CFAP251: variants seen among roughly 807,000 people sequenced by gnomAD.
The protein encoded by CFAP251 is cilia- and flagella-associated protein 251.
Under a neutral mutation model 126.7 loss-of-function variants are expected in CFAP251, and 93 were observed. That is an observed-to-expected ratio of 0.73 (90% CI 0.62 to 0.87). The LOEUF is 0.87. Ranked by LOEUF, CFAP251 falls within the 40% of genes least tolerant of loss-of-function variation. The pLI, the probability that CFAP251 is intolerant of heterozygous loss-of-function variation, is 0.00. For missense variants in CFAP251, 1,287 were observed against 1,389.2 expected, an observed-to-expected ratio of 0.93 and a Z score of 1.17; for synonymous variants, 503 against 506.9, an observed-to-expected ratio of 0.99 and a Z score of 0.10.
At chr12:121,939,369 C>A (rs1444006989) in intron 5 of CFAP251, among the ~76,000 whole-genome samples, 1 of 152,120 alleles carries the variant, frequency 6.6e-6, no homozygotes, top group Non-Finnish European at 1.5e-5. Flanking sequence ...GCTGCAAGTA[C>A]TGGCACATCC....
At chr12:121,980,756 T>A (rs1882601115) in intron 19 of CFAP251, among the ~76,000 whole-genome samples, 1 of 152,214 alleles carries the variant, frequency 6.6e-6, no homozygotes, top group Non-Finnish European at 1.5e-5. Flanking sequence ...GCTTCTTCTG[T>A]TTTTAGTCCA....
chr12:121,942,111 C>T (rs1319755047), intron 5 of CFAP251, among the ~76,000 whole-genome samples: 1 of 152,196 alleles, frequency 6.6e-6, no homozygotes, highest in East Asian at 1.9e-4. Flanking sequence ...GTTAAATTCG[C>T]ATAACATAAA....
intron 9 of CFAP251, 128 bp downstream of exon 9, chr12:121,951,658 A>T: frequency 4.8e-6 from 3 of 624,492 alleles, no homozygotes; most frequent in Non-Finnish European, 8.4e-6. Context: ...AATTTGAAAA[A>T]TTTTACTTGG....
At chr12:121,988,651 C>T (rs547902831) in intron 19 of CFAP251, among the ~76,000 whole-genome samples, 21 of 152,148 alleles carry the variant, frequency 1.4e-4, no homozygotes, top group South Asian at 1.2e-3. Context: ...TGGACATTTA[C>T]GTTTTCCCAT....
At chr12:121,951,725 AT>A (rs556826167) in intron 9 of CFAP251, among the ~76,000 whole-genome samples, 195 bp downstream of exon 9, 30 of 149,244 alleles carry the variant, frequency 2.0e-4, no homozygotes, top group Admixed American at 2.7e-4. Context: ...GTTAAAAATA[AT>A]TTTTTTTTTT....
intron 20 of CFAP251, 128 bp downstream of exon 20, chr12:122,000,072 C>A: frequency 1.2e-6 from 1 of 861,358 alleles, no homozygotes; most frequent in Non-Finnish European, 1.8e-6. Context: ...CAGATTTGAG[C>A]CATGAGGGGT....
At position 121,987,881 on chromosome 12, in the gene CFAP251, G is replaced by A. The variant is rs78128568; in HGVS notation, c.3007-11835G>A. ...CCCCAACTCCAGGTTCTGTTCCTAC[G>A]TATGTATGAGTTGGTACAAAGAAGG... On this transcript the variant is annotated intron_variant, in intron 19 of 21. Transcript: ENST00000288912. Among the ~76,000 whole-genome samples, 935 of 152,200 alleles carry A rather than the reference G, an allele frequency of 6.1e-3. 19 individuals are homozygous for A. In the East Asian group the frequency reaches 0.082, roughly 13 times the overall value.
intron 21 of CFAP251, chr12:122,001,857 T>G: frequency 1.3e-5 from 6 of 478,946 alleles, no homozygotes; most frequent in Non-Finnish European, 1.1e-5. Context: ...TCTTGCCGGC[T>G]TGGGTGGGTG....
intron 11 of CFAP251, 136 bp downstream of exon 11, chr12:121,957,404 A>C: frequency 1.1e-6 from 1 of 946,576 alleles, no homozygotes; most frequent in South Asian, 1.9e-5. Flanking sequence ...GGATCATTTA[A>C]AAAATTAATG....
At chr12:121,956,468 T>C (rs1403106480) in intron 10 of CFAP251, among the ~76,000 whole-genome samples, 1 of 152,162 alleles carries the variant, frequency 6.6e-6, no homozygotes, top group Non-Finnish European at 1.5e-5. Context: ...ATATATGGGA[T>C]GTACTTACAC....
chr12:122,003,678 C>T lies in CFAP251; in HGVS notation c.3364C>T (p.Leu1122Phe). The T allele has an allele frequency of 6.2e-7, 1 of 1,610,562 alleles. No individual in the cohort carries two copies. Among genetic ancestry groups the T allele is most frequent in the Middle Eastern group, 1.7e-4 (1 of 6,058 alleles). ...KGSEICLEEE[L>F]PDEITAEIFA... Reference sequence around the variant, plus strand: ...TTCAGAAATTTGCCTTGAAGAAGAACTTCCAGACGAAATCACTGCAGAAAT... The same window carrying T: ...TTCAGAAATTTGCCTTGAAGAAGAATTTCCAGACGAAATCACTGCAGAAAT... The change falls in exon 22 of 22, where the codon CTT (leucine) becomes TTT (phenylalanine). Residue 1122 changes from leucine (L) to phenylalanine (F), a missense_variant. Coordinates refer to ENST00000288912, the MANE Select transcript of CFAP251 (RefSeq NM_144668.6).
At chr12:121,929,584 C>T (rs1880594903) in intron 3 of CFAP251, among the ~76,000 whole-genome samples, 1 of 151,932 alleles carries the variant, frequency 6.6e-6, no homozygotes. Context: ...ATGTACCCAG[C>T]ATTCTAGTAT....
At chr12:122,001,460 G>C (rs1883148038) in intron 20 of CFAP251, 37 bp from the exon 21 acceptor site, 1 of 1,504,166 alleles carries the variant, frequency 6.6e-7, no homozygotes, top group African/African-American at 1.4e-5. Flanking sequence ...TTAGCCTCAA[G>C]AGTTAAACAA....
intron 16 of CFAP251, 146 bp from the exon 17 acceptor site, chr12:121,967,860 A>G (rs1882200025): frequency 2.7e-6 from 2 of 733,434 alleles, no homozygotes; most frequent in South Asian, 3.8e-5. Flanking sequence ...GCCCAGCTAC[A>G]TTAAATGTGG....
chr12:121,971,262 A>T (rs970741668), intron 17 of CFAP251, among the ~76,000 whole-genome samples: 4 of 152,128 alleles, frequency 2.6e-5, no homozygotes, highest in African/African-American at 9.7e-5. Flanking sequence ...AAGTGCTGAG[A>T]AGTGGGGAAG....
chr12:121,988,634 G>A (rs1215247404), intron 19 of CFAP251, among the ~76,000 whole-genome samples: 1 of 152,046 alleles, frequency 6.6e-6, no homozygotes, highest in South Asian at 2.1e-4. Flanking sequence ...ATCCATTCAC[G>A]AACAGATGGA....
intron 1 of CFAP251, among the ~76,000 whole-genome samples, chr12:121,919,622 G>A (rs1880074071): frequency 2.0e-5 from 3 of 152,136 alleles, no homozygotes; most frequent in African/African-American, 7.2e-5. Context: ...CTTGCCCAAG[G>A]TCACAGAGCA....
At chr12:121,944,721 G>A (rs1425839137) in intron 7 of CFAP251, among the ~76,000 whole-genome samples, 1 of 152,118 alleles carries the variant, frequency 6.6e-6, no homozygotes, top group African/African-American at 2.4e-5. Context: ...ATTTTTGTGT[G>A]TTGATTTTGT....
At position 121,920,189 on chromosome 12, in the gene CFAP251, GAA is replaced by G. The variant is rs1166354917; in HGVS notation, c.-20-1084_-20-1083del. On this transcript the variant is annotated intron_variant, in intron 1 of 21. Transcript: ENST00000288912. Reference sequence around the variant, plus strand: ...ACAAGAACAAAACTCTGTCTCAAGAGAAAAAAAAAAAAAAGGTTTCCCACAAA... The same window carrying G: ...ACAAGAACAAAACTCTGTCTCAAGAGAAAAAAAAAAAAGGTTTCCCACAAA... Among the ~76,000 whole-genome samples, 524 of 62,610 alleles carry G rather than the reference GAA, an allele frequency of 8.4e-3. 7 individuals are homozygous for G. Among genetic ancestry groups the G allele is most frequent in the African/African-American group, 0.028 (499 of 17,884 alleles). The allele number at this position is 62,610 out of a possible 152,430, so 41.1% of individuals were successfully genotyped here. A position where few individuals can be genotyped will look rare whatever the true frequency, so the allele number is the denominator to read the frequency against.
Sources: gnomAD v4.1 joint callset for allele counts (sites outside exome capture counted in the v4.1 genomes callset) on GRCh38, gnomAD v4.1.1 for gene constraint, MANE v1.5 for transcripts, NCBI Gene and HGNC (gene_info 2026-07-23, HGNC 2026-07-21) for gene names.